Variants in SEMA5A observed in about 807,000 individuals in gnomAD.
SEMA5A encodes semaphorin-5A.
Under a neutral mutation model 135.5 loss-of-function variants are expected in SEMA5A, and 55 were observed. The observed-to-expected ratio is 0.41, with a 90% CI of 0.33 to 0.51. The LOEUF (loss-of-function observed/expected upper bound fraction) is 0.51. Ranked by LOEUF, SEMA5A falls within the 20% of genes least tolerant of loss-of-function variation. The pLI, the probability that SEMA5A is intolerant of heterozygous loss-of-function variation, is 0.37. For synonymous variants in SEMA5A, 580 were observed against 546.5 expected (o/e 1.06, Z -0.85); for missense variants, 1,290 against 1,419.9 (o/e 0.91, Z 1.47).
chr5:9,071,661 A>G (rs1203498974), intron 16 of SEMA5A, among the ~76,000 whole-genome samples: 1 of 152,152 alleles, frequency 6.6e-6, no homozygotes, highest in Non-Finnish European at 1.5e-5. Context: ...ATTGCAAGTA[A>G]AGTAGAGAGA....
At chr5:9,315,322 C>T (rs934458875) in intron 5 of SEMA5A, among the ~76,000 whole-genome samples, 3 of 152,082 alleles carry the variant, frequency 2.0e-5, no homozygotes, top group African/African-American at 7.2e-5. Context: ...AAATGATATC[C>T]ATTATCCCTA....
At chr5:9,501,813 GTCTTGGT>G (rs1735614154) in intron 1 of SEMA5A, among the ~76,000 whole-genome samples, 2 of 152,256 alleles carry the variant, frequency 1.3e-5, no homozygotes, top group South Asian at 4.1e-4. Flanking sequence ...AAAAACACAG[GTCTTGGT>G]TGGCTAATGT....
At chr5:9,188,562 C>T (rs1292404906) in intron 11 of SEMA5A, among the ~76,000 whole-genome samples, 1 of 152,170 alleles carries the variant, frequency 6.6e-6, no homozygotes. Flanking sequence ...ATCAAAATCC[C>T]TCCCACTCCC....
intron 2 of SEMA5A, among the ~76,000 whole-genome samples, chr5:9,418,077 C>T (rs563580522): frequency 4.0e-5 from 6 of 151,854 alleles, no homozygotes; most frequent in Admixed American, 1.3e-4. Flanking sequence ...CCCGGGTTCA[C>T]GCCATTCTCC....
chr5:9,415,272 G>A (rs910458023), intron 2 of SEMA5A, among the ~76,000 whole-genome samples: 7 of 152,182 alleles, frequency 4.6e-5, no homozygotes, highest in African/African-American at 1.7e-4. Context: ...AAGAAGCTTT[G>A]TACCATTCCT....
chr5:9,405,573 G>A lies in SEMA5A; in HGVS notation c.-77-25550C>T, dbSNP rs1209500317. ...TCAATTACAGAAAAGTCTTGGCAAA[G>A]TAACTTCAGCCCCATGAGGTGCTGT... On this transcript the variant is annotated intron_variant, in intron 2 of 22. Coordinates refer to ENST00000382496, the MANE Select transcript of SEMA5A (RefSeq NM_003966.3). Among the ~76,000 whole-genome samples, 3 of 152,162 alleles carry A rather than the reference G, an allele frequency of 2.0e-5. No individual in the cohort carries two copies. In the East Asian group the frequency reaches 5.8e-4, roughly 29 times the overall value.
At position 9,228,984 on chromosome 5, in the gene SEMA5A, T is replaced by A. The variant is rs115641631; in HGVS notation, c.334-2017A>T. Among the ~76,000 whole-genome samples the A allele has an allele frequency of 8.9e-3, 1,360 of 152,140 alleles. 10 individuals carry two copies. Among genetic ancestry groups the A allele is most frequent in the Non-Finnish European group, 0.015 (1,028 of 68,006 alleles). On this transcript the variant is annotated intron_variant, in intron 6 of 22. Transcript: ENST00000382496. ...TGTATTTTCTTTACTAGAGACAGGGTTCTGTCATGCTGCCCAGGCTGGTCT... is the reference window on the plus strand; with the variant it reads ...TGTATTTTCTTTACTAGAGACAGGGATCTGTCATGCTGCCCAGGCTGGTCT...
intron 11 of SEMA5A, among the ~76,000 whole-genome samples, chr5:9,185,235 T>C (rs1425742526): frequency 6.6e-6 from 1 of 152,210 alleles, no homozygotes; most frequent in Non-Finnish European, 1.5e-5. Flanking sequence ...GCTCTATTTT[T>C]TGAGATTTCT....
At chr5:9,244,664 C>A (rs4701838) in intron 5 of SEMA5A, among the ~76,000 whole-genome samples, 1 of 152,210 alleles carries the variant, frequency 6.6e-6, no homozygotes, top group African/African-American at 2.4e-5. Context: ...CATACACAAG[C>A]ACTCAATATC....
At chr5:9,280,871 T>A (rs1235817065) in intron 5 of SEMA5A, 1 of 379,438 alleles carries the variant, frequency 2.6e-6, no homozygotes, top group African/African-American at 2.1e-5. Context: ...AATAAATAAT[T>A]GTATGTGTAT....
At chr5:9,384,713 T>TAGATAGACAGAC (rs1398018087) in intron 2 of SEMA5A, among the ~76,000 whole-genome samples, 2 of 100,820 alleles carry the variant, frequency 2.0e-5, no homozygotes, top group Admixed American at 1.1e-4. Context: ...GATAGATAGA[T>TAGATAGACAGAC]AGACAGACAG....
Position 9,044,438 on chromosome 5 carries a change from G to A in SEMA5A, c.3040C>T (p.Leu1014Phe), listed in dbSNP as rs1317703428. ...TVIHPVSPAPLNTSITNHINK... is the reference protein window; with the variant it reads ...TVIHPVSPAPFNTSITNHINK... ...ATGTGGTTGGTTATGCTGGTATTAA[G>A]GGGGGCAGGTGAGACGGGGTGGATG... The change falls in exon 22 of 23, where the codon CTT (leucine) becomes TTT (phenylalanine). Residue 1014 changes from leucine (L) to phenylalanine (F), a missense_variant. Leu to Phe is a conservative substitution (Grantham distance 22, BLOSUM62 0). Around this residue, in one of 3 missense-constraint regions of SEMA5A, gnomAD observed 1,029 missense variants for 1,086.6 expected, o/e 0.95. Transcript: ENST00000382496. The A allele has an allele frequency of 1.2e-6, 2 of 1,613,844 alleles. No homozygotes were observed. Among genetic ancestry groups the A allele is most frequent in the African/African-American group, 1.3e-5 (1 of 74,910 alleles).
rs546819007 is a variant in SEMA5A, at chr5:9,420,952, G to T, written c.-78+16804C>A. ...AATCGCTTGAACCCCGGAGGGGTAGGTTACAGTGAGTCGAGATCGCGCCAC... is the reference window on the plus strand; with the variant it reads ...AATCGCTTGAACCCCGGAGGGGTAGTTTACAGTGAGTCGAGATCGCGCCAC... On this transcript the variant is annotated intron_variant, in intron 2 of 22. Transcript: ENST00000382496. Among the ~76,000 whole-genome samples, 24 of 152,366 alleles carry T rather than the reference G, an allele frequency of 1.6e-4. No individual in the cohort carries two copies. In the South Asian group the frequency reaches 5.0e-3, roughly 32 times the overall value.
intron 5 of SEMA5A, among the ~76,000 whole-genome samples, chr5:9,268,692 T>C (rs1348229943): frequency 6.6e-6 from 1 of 152,146 alleles, no homozygotes; most frequent in East Asian, 1.9e-4. Context: ...GAATTTATTT[T>C]CCCCGCACTG....
chr5:9,308,807 G>T (rs1751991752), intron 5 of SEMA5A, among the ~76,000 whole-genome samples: 1 of 152,086 alleles, frequency 6.6e-6, no homozygotes, highest in African/African-American at 2.4e-5. Context: ...CTCCTCTGCT[G>T]TTGAATATTG....
At chr5:9,380,094 C>A (rs1463199604) in intron 2 of SEMA5A, 71 bp from the exon 3 acceptor site, 2 of 983,382 alleles carry the variant, frequency 2.0e-6, no homozygotes, top group South Asian at 1.7e-5. Flanking sequence ...TCTGGTAAAA[C>A]TTCCTCACTA....
chr5:9,052,758 A>G (rs574260410), intron 19 of SEMA5A, among the ~76,000 whole-genome samples: 2 of 152,290 alleles, frequency 1.3e-5, no homozygotes, highest in African/African-American at 2.4e-5. Flanking sequence ...TCACCCAGGC[A>G]TACAGATGTG....
chr5:9,380,658 C>T (rs537690388), intron 2 of SEMA5A, among the ~76,000 whole-genome samples: 8 of 152,238 alleles, frequency 5.3e-5, no homozygotes, highest in African/African-American at 1.9e-4. Context: ...TATCGAGCAC[C>T]TACTGGGTGA....
At chr5:9,079,715 C>A (rs1335060976) in intron 16 of SEMA5A, among the ~76,000 whole-genome samples, 1 of 152,034 alleles carries the variant, frequency 6.6e-6, no homozygotes, top group Non-Finnish European at 1.5e-5. Context: ...AAACAAACAA[C>A]CCCATCAAAA....
Sources: gnomAD v4.1 joint callset for allele counts (sites outside exome capture counted in the v4.1 genomes callset) on GRCh38, gnomAD v4.1.1 for gene constraint, gnomAD v4.1.1 regional missense constraint, MANE v1.5 for transcripts, NCBI Gene and HGNC (gene_info 2026-07-23, HGNC 2026-07-21) for gene names.